Variants in MED13L observed in about 807,000 individuals in gnomAD.
The protein encoded by MED13L is mediator complex subunit 13L, also known as mediator of RNA polymerase II transcription subunit 13-like.
Under a neutral mutation model 220.9 loss-of-function variants are expected in MED13L, and 7 were observed. That is an observed-to-expected ratio of 0.03 (90% CI 0.02 to 0.06). The LOEUF is 0.06. Ranked by LOEUF, MED13L falls within the 10% of genes least tolerant of loss-of-function variation. MED13L has a pLI of 1.00. For missense variants in MED13L, 1,965 were observed against 2,760.5 expected (o/e 0.71, Z 6.46); for synonymous variants, 1,011 against 1,015.2 (o/e 1.00, Z 0.08).
chr12:116,007,642 A>AAAT lies in MED13L; in HGVS notation c.2013-7_2013-6insATT. On this transcript the variant is annotated splice_polypyrimidine_tract_variant and splice_region_variant and intron_variant, in intron 10 of 30. Transcript: ENST00000281928. ...TGTTAGGTTGTGCTAAGAGTCTAAA[A>AAAT]GACAAAAAAAAAAAAAAAAAAAAGA... is the stretch of plus-strand genomic sequence containing the variant. The AAAT allele has an allele frequency of 6.9e-7, 1 of 1,446,332 alleles. No individual in the cohort carries two copies. Among genetic ancestry groups the AAAT allele is most frequent in the Non-Finnish European group, 9.6e-7 (1 of 1,045,950 alleles). 89.6% of individuals were successfully genotyped at this position (1,446,332 alleles called of 1,614,324 possible).
chr12:116,072,401 T>C (rs1005667116), intron 4 of MED13L, among the ~76,000 whole-genome samples: 2 of 152,258 alleles, frequency 1.3e-5, no homozygotes, highest in Non-Finnish European at 2.9e-5. Context: ...CTGAATTTTC[T>C]AAAGAGACTT....
chr12:115,982,285 G>A, intron 22 of MED13L, 99 bp downstream of exon 22: 1 of 1,273,066 alleles, frequency 7.9e-7, no homozygotes, highest in Non-Finnish European at 1.1e-6. Flanking sequence ...TAATTAACCT[G>A]TACTTCCATT....
intron 25 of MED13L, among the ~76,000 whole-genome samples, chr12:115,973,735 T>G (rs1197640530): frequency 1.3e-5 from 2 of 152,192 alleles, no homozygotes; most frequent in Non-Finnish European, 2.9e-5. Context: ...ATGAATCCCC[T>G]AATGTATTAG....
intron 1 of MED13L, among the ~76,000 whole-genome samples, chr12:116,254,366 C>A (rs966815450): frequency 2.0e-5 from 3 of 152,068 alleles, no homozygotes; most frequent in African/African-American, 7.3e-5. Flanking sequence ...GCTACTACAA[C>A]TAATAAAGCT....
chr12:115,971,275 G>C (rs1028991862), intron 26 of MED13L, among the ~76,000 whole-genome samples: 3 of 152,128 alleles, frequency 2.0e-5, no homozygotes, highest in African/African-American at 7.2e-5. Context: ...TTATAGATGA[G>C]GACAAAAGCA....
intron 4 of MED13L, among the ~76,000 whole-genome samples, chr12:116,027,191 G>A (rs1277459885): frequency 1.3e-5 from 2 of 152,198 alleles, no homozygotes; most frequent in Admixed American, 6.5e-5. Flanking sequence ...GGGAGGCAGA[G>A]TTGGGCAGAT....
intron 4 of MED13L, among the ~76,000 whole-genome samples, chr12:116,040,218 G>A (rs1411423325): frequency 3.3e-5 from 5 of 152,056 alleles, no homozygotes; most frequent in Non-Finnish European, 5.9e-5. Flanking sequence ...CACTTCCAAC[G>A]GCAGTTTAAT....
intron 2 of MED13L, among the ~76,000 whole-genome samples, chr12:116,202,542 G>A (rs1882065862): frequency 6.6e-6 from 1 of 152,120 alleles, no homozygotes; most frequent in South Asian, 2.1e-4. Context: ...GAGTACAATG[G>A]AAATGGTTGA....
intron 25 of MED13L, chr12:115,972,482 GTCCAGCACTAA>G (rs756828545): frequency 4.1e-5 from 20 of 485,480 alleles, no homozygotes; most frequent in Non-Finnish European, 7.2e-5. Context: ...ACCTTTGAGA[GTCCAGCACTAA>G]TCCAGTCTAA....
rs182825090 is a variant in MED13L at position 116,143,488 on chromosome 12, T to C, written c.311-31976A>G. Among the ~76,000 whole-genome samples the C allele has an allele frequency of 5.9e-5, 9 of 152,334 alleles. No homozygotes were observed. In the East Asian group the frequency reaches 1.5e-3, roughly 26 times the overall value. On this transcript the variant is annotated intron_variant, in intron 2 of 30. Coordinates refer to ENST00000281928, the MANE Select transcript of MED13L (RefSeq NM_015335.5). Reference sequence around the variant, plus strand: ...AAGTTTCAATTGTAAGTCAACGATTTGGAATCCAGAAAGTTGTTGTGCTAC... The same window carrying C: ...AAGTTTCAATTGTAAGTCAACGATTCGGAATCCAGAAAGTTGTTGTGCTAC...
chr12:116,019,305 G>T lies in MED13L; in HGVS notation c.928C>A (p.Gln310Lys). The T allele has an allele frequency of 1.2e-6, 2 of 1,614,046 alleles. No individual in the cohort carries two copies. Among genetic ancestry groups the T allele is most frequent in the Non-Finnish European group, 1.7e-6 (2 of 1,179,960 alleles). The change falls in exon 7 of 31, where the codon CAA becomes AAA. Residue 310 changes from glutamine (Q) to lysine (K), a missense_variant. Coordinates refer to ENST00000281928, the MANE Select transcript of MED13L (RefSeq NM_015335.5). ...SAGGHIAVGQQGLGSVKDPSN... is the reference protein window; with the variant it reads ...SAGGHIAVGQKGLGSVKDPSN... ...GGGTCCTTCACACTACCAAGCCCTT[G>T]CTGCCCAACTGCAATGTGGCCTCCA...
At position 116,106,517 on chromosome 12, in the gene MED13L, T is replaced by C. The variant is rs1048609511; in HGVS notation, c.395+4911A>G. ...ATAAAAAGAACTCTTTGGAAAACTG[T>C]GCTTACTTAACCAAAAGTATATATT... On this transcript the variant is annotated intron_variant, in intron 3 of 30. Transcript: ENST00000281928. 7.2e-5 allele frequency among the ~76,000 whole-genome samples: 11 copies of C among 152,158 alleles called. No homozygotes were observed. The East Asian group carries it at 1.9e-3, about 27-fold the overall frequency.
chr12:116,117,263 T>C (rs951586064), intron 2 of MED13L, among the ~76,000 whole-genome samples: 9 of 152,066 alleles, frequency 5.9e-5, no homozygotes, highest in African/African-American at 2.2e-4. Flanking sequence ...AACTTCTCAA[T>C]GGTTTCCAGG....
intron 2 of MED13L, among the ~76,000 whole-genome samples, chr12:116,124,146 G>GAGAC (rs1555213746): frequency 8.1e-5 from 12 of 148,290 alleles, no homozygotes; most frequent in African/African-American, 1.2e-4. Flanking sequence ...GAGAGAGAGA[G>GAGAC]AGAGACAGAG....
At position 116,111,532 on chromosome 12, in the gene MED13L, AG is replaced by A; in HGVS notation, c.311-21del. The A allele has an allele frequency of 6.4e-7, 1 of 1,569,670 alleles. No individual in the cohort carries two copies. The highest frequency in any genetic ancestry group is 8.7e-7 in the Non-Finnish European group (1 of 1,152,262). ...CCACAACTGAAAAAAAAAAGAAAAAAGAAAAAAAAAGAACCAGTAAAAAGGA... is the reference window on the plus strand; with the variant it reads ...CCACAACTGAAAAAAAAAAGAAAAAAAAAAAAAAAGAACCAGTAAAAAGGA... On this transcript the variant is annotated intron_variant, in intron 2 of 30. Transcript: ENST00000281928.
intron 2 of MED13L, among the ~76,000 whole-genome samples, chr12:116,219,313 C>T (rs1883180252): frequency 6.6e-6 from 1 of 152,088 alleles, no homozygotes; most frequent in South Asian, 2.1e-4. Context: ...TATATTTCTA[C>T]ATCTTAAAAA....
In MED13L at chr12:116,011,642, G is replaced by C. The variant is rs774826752; in HGVS notation, c.1280+1155C>G. 4.3e-4 allele frequency among the ~76,000 whole-genome samples: 66 copies of C among 152,196 alleles called. 2 individuals are homozygous for C. The highest frequency in any genetic ancestry group is 2.6e-4 in the Non-Finnish European group (18 of 68,026). ...ACAATTCACAAGAGCCTAGAGACAA[G>C]AGTAAAGTAGGTATTCACCTACTAA... On this transcript the variant is annotated intron_variant, in intron 9 of 30. Coordinates refer to ENST00000281928, the MANE Select transcript of MED13L (RefSeq NM_015335.5).
chr12:116,053,703 T>C (rs56381931), intron 4 of MED13L, among the ~76,000 whole-genome samples: 26,045 of 152,142 alleles, frequency 0.17, 2,436 homozygotes, highest in Middle Eastern at 0.27. Context: ...AGTCATACTT[T>C]AGATCTGACT....
intron 2 of MED13L, among the ~76,000 whole-genome samples, chr12:116,113,335 A>G (rs1277459334): frequency 6.6e-6 from 1 of 151,902 alleles, no homozygotes; most frequent in Non-Finnish European, 1.5e-5. Context: ...TAAAATCTCC[A>G]AATATACTTG....
Sources: allele counts gnomAD v4.1 joint callset (sites outside exome capture counted in the v4.1 genomes callset), GRCh38; gene constraint gnomAD v4.1.1; transcripts MANE v1.5; gene names NCBI Gene and HGNC (gene_info 2026-07-23, HGNC 2026-07-21).